RPS6KA6: variants seen among roughly 807,000 people sequenced by gnomAD.
The protein encoded by RPS6KA6 is ribosomal protein S6 kinase alpha-6.
Under a neutral mutation model 65.4 loss-of-function variants are expected in RPS6KA6, and 27 were observed. The observed-to-expected ratio is 0.41, with a 90% CI of 0.30 to 0.57. The LOEUF is 0.57. Ranked by LOEUF, RPS6KA6 falls within the 20% of genes least tolerant of loss-of-function variation. RPS6KA6 has a pLI of 0.24. For missense variants in RPS6KA6, 486 were observed against 555.6 expected (o/e 0.87, Z 1.26); for synonymous variants, 190 against 184.2 (o/e 1.03, Z -0.26).
At chrX:84,143,773 C>T (rs1006838924) in intron 6 of RPS6KA6, among the ~76,000 whole-genome samples, 1 of 111,166 alleles carries the variant, frequency 9.0e-6, no homozygotes, top group Non-Finnish European at 1.9e-5. Context: ...CGCACTGCCT[C>T]ACTTCAAGAC....
At chrX:84,168,711 CTTAG>C (rs1300276580) in intron 1 of RPS6KA6, among the ~76,000 whole-genome samples, 1 of 111,902 alleles carries the variant, frequency 8.9e-6, no homozygotes, top group Non-Finnish European at 1.9e-5. Flanking sequence ...CCTCTGTTAC[CTTAG>C]TTACTGGTTA....
In RPS6KA6 at chrX:84,063,588, A is replaced by G. The variant is rs1418927581; in HGVS notation, c.*689T>C. 1.8e-5 allele frequency: 2 copies of G among 112,012 alleles called. No homozygotes were observed. The highest frequency in any genetic ancestry group is 5.6e-4 in the East Asian group (2 of 3,591). The allele number at this position is 112,012 out of a possible 1,213,427, so 9.2% of individuals were successfully genotyped here. A position where few individuals can be genotyped will look rare whatever the true frequency, so the allele number is the denominator to read the frequency against. ...TGTAAAATTTACAGAAGCCTTATAA[A>G]AACCTTTATTTCTAAATGAGGCCAC... On this transcript the variant is annotated 3_prime_UTR_variant, in exon 22 of 22. Coordinates refer to ENST00000262752, the MANE Select transcript of RPS6KA6 (RefSeq NM_014496.5).
At chrX:84,151,831 T>C (rs920484960) in intron 3 of RPS6KA6, among the ~76,000 whole-genome samples, 3 of 112,023 alleles carry the variant, frequency 2.7e-5, no homozygotes, top group African/African-American at 6.5e-5. Flanking sequence ...CTGGTACCAT[T>C]TGAAGTCACT....
At chrX:84,071,443 A>T (rs988054511) in intron 20 of RPS6KA6, among the ~76,000 whole-genome samples, 1 of 111,189 alleles carries the variant, frequency 9.0e-6, no homozygotes, top group African/African-American at 3.3e-5. Flanking sequence ...CCCTAGACTA[A>T]ACACTAGTCT....
chrX:84,124,974 C>A (rs2034751741), intron 8 of RPS6KA6, among the ~76,000 whole-genome samples: 1 of 111,645 alleles, frequency 9.0e-6, no homozygotes, highest in Non-Finnish European at 1.9e-5. Flanking sequence ...TCAGTGGAAA[C>A]TTTACAGGTT....
At chrX:84,142,638 C>A (rs1171620242) in intron 6 of RPS6KA6, among the ~76,000 whole-genome samples, 1 of 111,060 alleles carries the variant, frequency 9.0e-6, no homozygotes, top group East Asian at 2.8e-4. Context: ...ACATGAATTA[C>A]CAACATCAAA....
chrX:84,094,532 C>A (rs1031888960), intron 20 of RPS6KA6, among the ~76,000 whole-genome samples: 1 of 109,291 alleles, frequency 9.1e-6, no homozygotes, highest in Admixed American at 9.8e-5. Context: ...GTAGTCCCAG[C>A]TACTTGGGAG....
At chrX:84,078,935 ATT>A (rs768313526) in intron 20 of RPS6KA6, among the ~76,000 whole-genome samples, 1 of 111,373 alleles carries the variant, frequency 9.0e-6, no homozygotes, top group South Asian at 3.8e-4. Context: ...CATGCATTTC[ATT>A]TGTTATCAAT....
At chrX:84,122,390 G>A (rs2034691275) in intron 8 of RPS6KA6, among the ~76,000 whole-genome samples, 2 of 48,971 alleles carry the variant, frequency 4.1e-5, no homozygotes, top group African/African-American at 9.5e-5. Context: ...TTTTTTTTGA[G>A]ACAGAGTCTT....
At chrX:84,158,205 C>T (rs1378913352) in intron 2 of RPS6KA6, among the ~76,000 whole-genome samples, 3 of 110,468 alleles carry the variant, frequency 2.7e-5, no homozygotes, top group Non-Finnish European at 5.7e-5. Context: ...AAAATATATA[C>T]TTTTTAAAAT....
At chrX:84,066,333 G>C (rs1003742498) in intron 20 of RPS6KA6, among the ~76,000 whole-genome samples, 2 of 107,204 alleles carry the variant, frequency 1.9e-5, no homozygotes, top group Non-Finnish European at 3.9e-5. Context: ...CCACTCCCAC[G>C]GAGTCCAGCA....
chrX:84,127,208 C>T lies in RPS6KA6; in HGVS notation c.647-7181G>A, dbSNP rs774931611. ...CATTAGTGGCTACTATGAGCAACTA[C>T]ATGCCAATAAATGGGAAAATCTAGA... On this transcript the variant is annotated intron_variant, in intron 8 of 21. Transcript: ENST00000262752. Among the ~76,000 whole-genome samples, 226 of 111,047 alleles carry T rather than the reference C, an allele frequency of 2.0e-3. 2 individuals carry two copies. Among genetic ancestry groups the T allele is most frequent in the African/African-American group, 7.1e-3 (218 of 30,599 alleles).
intron 20 of RPS6KA6, among the ~76,000 whole-genome samples, chrX:84,092,449 T>C (rs1450608497): frequency 9.1e-6 from 1 of 109,349 alleles, no homozygotes; most frequent in Non-Finnish European, 1.9e-5. Context: ...TGATGAAAGA[T>C]CATCTCTACT....
chrX:84,102,133 T>A lies in RPS6KA6; in HGVS notation c.1680A>T (p.Ser560=), dbSNP rs982602178. Residue 560 remains serine (S), a synonymous_variant, in exon 18 of 22, where the codon TCA becomes TCT. Transcript: ENST00000262752. ...LYMDESASAD[S]IRICDFGFAK... is the part of the protein sequence containing the mutation. Reference sequence around the variant, plus strand: ...CAAACCCAAAATCACATATCCTGATTGAATCTGCACTGGCTGATTCATCCA... The same window carrying A: ...CAAACCCAAAATCACATATCCTGATAGAATCTGCACTGGCTGATTCATCCA... 8.4e-7 allele frequency: 1 copy of A among 1,191,692 alleles called. No homozygotes were observed. Among genetic ancestry groups the A allele is most frequent in the African/African-American group, 1.8e-5 (1 of 56,528 alleles).
At chrX:84,128,322 G>A (rs973054140) in intron 8 of RPS6KA6, among the ~76,000 whole-genome samples, 3 of 110,964 alleles carry the variant, frequency 2.7e-5, no homozygotes, top group Non-Finnish European at 3.8e-5. Flanking sequence ...CATGTAAAAA[G>A]GAATGTACTA....
chrX:84,167,986 T>C (rs1164969482), intron 1 of RPS6KA6, among the ~76,000 whole-genome samples: 1 of 110,141 alleles, frequency 9.1e-6, no homozygotes, highest in Non-Finnish European at 1.9e-5. Context: ...ATCTCTATTC[T>C]AAAAAAAAAT....
intron 20 of RPS6KA6, among the ~76,000 whole-genome samples, chrX:84,073,972 A>C (rs1316059598): frequency 1.8e-5 from 2 of 111,676 alleles, no homozygotes; most frequent in African/African-American, 6.5e-5. Flanking sequence ...GCATTTCCTC[A>C]AAAAATTAAA....
At chrX:84,134,706 G>A in intron 8 of RPS6KA6, 76 bp downstream of exon 8, 1 of 675,104 alleles carries the variant, frequency 1.5e-6, no homozygotes, top group Non-Finnish European at 2.2e-6. Flanking sequence ...AAAAAAACAG[G>A]CTTAGACAAA....
intron 20 of RPS6KA6, among the ~76,000 whole-genome samples, chrX:84,095,397 A>C (rs1353273484): frequency 8.9e-6 from 1 of 111,830 alleles, no homozygotes; most frequent in Non-Finnish European, 1.9e-5. Context: ...TAAATGTAAG[A>C]AATTAGTTTT....
Sources: allele counts gnomAD v4.1 joint callset (sites outside exome capture counted in the v4.1 genomes callset), GRCh38; gene constraint gnomAD v4.1.1; transcripts MANE v1.5; gene names NCBI Gene and HGNC (gene_info 2026-07-23, HGNC 2026-07-21).